The following ITFG1 variants were observed in gnomAD, a reference collection of about 807,000 sequenced individuals.
ITFG1 encodes the protein integrin alpha FG-GAP repeat containing 1.
Under a neutral mutation model 81.8 loss-of-function variants are expected in ITFG1, and 34 were observed. The observed-to-expected ratio is 0.42, with a 90% CI of 0.32 to 0.55. ITFG1 has a LOEUF of 0.55. Among genes scored for constraint, ITFG1 ranks in the 20% least tolerant of loss-of-function variants. The probability of loss-of-function intolerance (pLI) is 0.17; values close to 1 mark genes in which losing one functional copy is unlikely to be tolerated. For synonymous variants in ITFG1, 285 were observed against 270.6 expected (o/e 1.05, Z -0.52); for missense variants, 672 against 755.4 (o/e 0.89, Z 1.29).
chr16:47,159,716 A>G (rs1314599718), intron 16 of ITFG1, among the ~76,000 whole-genome samples: 1 of 152,154 alleles, frequency 6.6e-6, no homozygotes, highest in Non-Finnish European at 1.5e-5. Context: ...GAAGGTTGTT[A>G]TATACACATA....
intron 10 of ITFG1, among the ~76,000 whole-genome samples, chr16:47,296,529 G>T (rs1479771000): frequency 6.6e-6 from 1 of 151,824 alleles, no homozygotes; most frequent in East Asian, 1.9e-4. Context: ...TCCGCCTCCC[G>T]GATTCAAGCG....
chr16:47,231,133 T>A (rs951280090), intron 13 of ITFG1, among the ~76,000 whole-genome samples: 11 of 152,256 alleles, frequency 7.2e-5, no homozygotes, highest in Admixed American at 1.3e-4. Context: ...TCTGCCTCCA[T>A]GGAGCTCTTT....
chr16:47,273,331 T>C (rs1466728022), intron 10 of ITFG1, among the ~76,000 whole-genome samples: 1 of 152,058 alleles, frequency 6.6e-6, no homozygotes, highest in Non-Finnish European at 1.5e-5. Context: ...AATAAGTCCA[T>C]TAGGAATCCT....
chr16:47,220,574 T>A (rs1965678978), intron 13 of ITFG1, among the ~76,000 whole-genome samples: 1 of 152,236 alleles, frequency 6.6e-6, no homozygotes, highest in African/African-American at 2.4e-5. Context: ...ATCTTCCCAA[T>A]ACTTAAGAAA....
intron 6 of ITFG1, among the ~76,000 whole-genome samples, chr16:47,400,239 A>G (rs897992061): frequency 6.6e-6 from 1 of 152,166 alleles, no homozygotes; most frequent in Non-Finnish European, 1.5e-5. Context: ...ATGTACTACT[A>G]GAGACCAGGT....
At chr16:47,420,722 C>G (rs1030839757) in intron 6 of ITFG1, among the ~76,000 whole-genome samples, 1 of 152,182 alleles carries the variant, frequency 6.6e-6, no homozygotes, top group Non-Finnish European at 1.5e-5. Flanking sequence ...TCCCTTTCAC[C>G]TTCCACCACA....
chr16:47,219,604 G>A (rs1965666589), intron 13 of ITFG1, among the ~76,000 whole-genome samples: 1 of 152,102 alleles, frequency 6.6e-6, no homozygotes, highest in African/African-American at 2.4e-5. Flanking sequence ...GACATCCTAA[G>A]ATGACAAAAT....
In ITFG1 at chr16:47,451,459, T is replaced by C; in HGVS notation, c.497A>G (p.Asp166Gly). The part of the protein sequence containing the change: ...DEPLIMDFNG[D>G]LIPDIFGITN... ...GATACCAAAAATATCAGGAATTAGA[T>C]CACCATTGAAACTGAAAAAAAATTA... Residue 166 changes from aspartate to glycine, a missense_variant, in exon 5 of 18, where the codon GAT becomes GGT. Around this residue, in one of 3 missense-constraint regions of ITFG1, gnomAD observed 560 missense variants for 625.7 expected, o/e 0.90. Coordinates refer to ENST00000320640, the MANE Select transcript of ITFG1 (RefSeq NM_030790.5). 6.4e-7 allele frequency: 1 copy of C among 1,564,734 alleles called. No homozygotes were observed. Among genetic ancestry groups the C allele is most frequent in the Non-Finnish European group, 8.8e-7 (1 of 1,137,040 alleles).
chr16:47,173,104 C>A (rs765219097), intron 14 of ITFG1, among the ~76,000 whole-genome samples: 2 of 152,144 alleles, frequency 1.3e-5, no homozygotes, highest in Non-Finnish European at 2.9e-5. Flanking sequence ...AACTCCCTTA[C>A]CTCCTTCAAA....
intron 8 of ITFG1, among the ~76,000 whole-genome samples, chr16:47,326,756 C>T (rs1967551342): frequency 6.6e-6 from 1 of 152,094 alleles, no homozygotes; most frequent in South Asian, 2.1e-4. Context: ...ACCTAGGAAT[C>T]CAACTTACAA....
rs141799523 is a variant in ITFG1, at chr16:47,368,728, C to T, written c.721-2859G>A. 4.3e-3 allele frequency among the ~76,000 whole-genome samples: 655 copies of T among 152,208 alleles called. 5 individuals carry two copies. The highest frequency in any genetic ancestry group is 7.7e-3 in the Non-Finnish European group (523 of 68,020). On this transcript the variant is annotated intron_variant, in intron 7 of 17. Coordinates refer to ENST00000320640, the MANE Select transcript of ITFG1 (RefSeq NM_030790.5). ...TAACTGAAGTGAACAGATTACCCCA[C>T]TGAAGGTCTATGAATTTTGGTAAAT...
chr16:47,222,847 G>C (rs1346757943), intron 13 of ITFG1, among the ~76,000 whole-genome samples: 1 of 152,210 alleles, frequency 6.6e-6, no homozygotes. Flanking sequence ...TTTGGAATAG[G>C]TGTGGTGTGG....
Position 47,161,838 on chromosome 16 carries a change from A to T in ITFG1, c.1579-6T>A, listed in dbSNP as rs761563054. ...CACTCTTGTTTTCGTATAGACTGGA[A>T]GAAGAATTTAAGAACATTTAACATT... On this transcript the variant is annotated splice_region_variant and splice_polypyrimidine_tract_variant and intron_variant, in intron 15 of 17. Coordinates refer to ENST00000320640, the MANE Select transcript of ITFG1 (RefSeq NM_030790.5). The T allele has an allele frequency of 6.5e-7, 1 of 1,540,422 alleles. No individual in the cohort carries two copies. Among genetic ancestry groups the T allele is most frequent in the Non-Finnish European group, 9.0e-7 (1 of 1,113,352 alleles).
At chr16:47,220,363 C>T (rs915367797) in intron 13 of ITFG1, among the ~76,000 whole-genome samples, 5 of 152,172 alleles carry the variant, frequency 3.3e-5, no homozygotes, top group South Asian at 2.1e-4. Context: ...AAAACAAAGA[C>T]GTGGGTAATT....
At chr16:47,408,592 GGC>G (rs1426689930) in intron 6 of ITFG1, among the ~76,000 whole-genome samples, 1 of 151,890 alleles carries the variant, frequency 6.6e-6, no homozygotes, top group African/African-American at 2.4e-5. Flanking sequence ...TTTATCTCAG[GGC>G]CATAGTCAGA....
At chr16:47,322,060 G>A (rs543578165) in intron 8 of ITFG1, among the ~76,000 whole-genome samples, 2 of 152,248 alleles carry the variant, frequency 1.3e-5, no homozygotes, top group South Asian at 4.1e-4. Flanking sequence ...ATGTTAAATA[G>A]CATACAGGTT....
Position 47,313,816 on chromosome 16 carries a change from A to G in ITFG1, c.810T>C (p.Asp270=), listed in dbSNP as rs748881760. The G allele has an allele frequency of 6.6e-5, 106 of 1,595,730 alleles. No individual in the cohort carries two copies. The highest frequency in any genetic ancestry group is 9.4e-6 in the Non-Finnish European group (11 of 1,169,986). The change falls in exon 9 of 18, where the codon GAT becomes GAC. Residue 270 remains aspartate (D), a synonymous_variant. Transcript: ENST00000320640. The part of the protein sequence containing the change: ...GQSAFADFDG[D]GHMDHLLPGC... ...CTGGCAGTAAATGATCCATGTGTCC[A>G]TCTCCATCTGCCAAAAGAAACTTCA...
intron 5 of ITFG1, among the ~76,000 whole-genome samples, chr16:47,439,352 T>G (rs1001547026): frequency 2.0e-5 from 3 of 152,052 alleles, no homozygotes; most frequent in African/African-American, 7.2e-5. Context: ...AAGATACTCC[T>G]CGAGAACAGC....
intron 10 of ITFG1, among the ~76,000 whole-genome samples, chr16:47,310,857 T>C (rs549378897): frequency 6.6e-6 from 1 of 152,268 alleles, no homozygotes; most frequent in Non-Finnish European, 1.5e-5. Flanking sequence ...GTCACACAGA[T>C]GGTAAGTGGT....
Sources: gnomAD v4.1 joint callset for allele counts (sites outside exome capture counted in the v4.1 genomes callset) on GRCh38, gnomAD v4.1.1 for gene constraint, gnomAD v4.1.1 regional missense constraint, MANE v1.5 for transcripts, NCBI Gene and HGNC (gene_info 2026-07-23, HGNC 2026-07-21) for gene names.